Variants in SOX6 observed in about 807,000 individuals in gnomAD.
SOX6 encodes transcription factor SOX-6.
SOX6 carries 11 observed loss-of-function variants against 97.8 expected under a neutral mutation model. The observed-to-expected ratio is 0.11, with a 90% CI of 0.07 to 0.19. The LOEUF is 0.19. Ranked by LOEUF, SOX6 falls within the 10% of genes least tolerant of loss-of-function variation. The pLI, the probability that SOX6 is intolerant of heterozygous loss-of-function variation, is 1.00. For missense variants in SOX6, 810 were observed against 1,039.5 expected (o/e 0.78, Z 3.04); for synonymous variants, 360 against 371.4 (o/e 0.97, Z 0.35).
chr11:16,122,480 G>A (rs1310113357), intron 6 of SOX6, among the ~76,000 whole-genome samples: 3 of 151,840 alleles, frequency 2.0e-5, no homozygotes, highest in Non-Finnish European at 4.4e-5. Context: ...TTTAAATATG[G>A]TAATATTTGT....
intron 4 of SOX6, among the ~76,000 whole-genome samples, chr11:16,553,926 C>T (rs992084578): frequency 2.6e-5 from 4 of 151,982 alleles, no homozygotes; most frequent in African/African-American, 4.8e-5. Flanking sequence ...GACCTTGATT[C>T]TTAAATATAA....
intron 4 of SOX6, among the ~76,000 whole-genome samples, chr11:16,491,661 A>G (rs2133133008): frequency 6.6e-6 from 1 of 152,316 alleles, no homozygotes; most frequent in South Asian, 2.1e-4. Flanking sequence ...ATAAACTATA[A>G]AGCAACAGTA....
chr11:16,232,363 TA>T (rs1418287898), intron 4 of SOX6, among the ~76,000 whole-genome samples: 7 of 151,884 alleles, frequency 4.6e-5, no homozygotes, highest in African/African-American at 1.7e-4. Context: ...TAATGGAGAA[TA>T]AATAAAGATA....
intron 4 of SOX6, among the ~76,000 whole-genome samples, chr11:16,226,321 T>G (rs1295190662): frequency 1.9e-5 from 1 of 51,364 alleles, no homozygotes; most frequent in African/African-American, 7.9e-5. Context: ...ATTGTGTTTT[T>G]TTTGTTTTTG....
intron 2 of SOX6, among the ~76,000 whole-genome samples, chr11:16,332,655 T>G (rs1186770307): frequency 6.6e-6 from 1 of 152,202 alleles, no homozygotes; most frequent in Non-Finnish European, 1.5e-5. Context: ...TTGTAAAATT[T>G]TATTAGCAAA....
intron 3 of SOX6, among the ~76,000 whole-genome samples, chr11:16,711,987 G>A (rs1207249601): frequency 6.6e-6 from 1 of 151,888 alleles, no homozygotes; most frequent in Non-Finnish European, 1.5e-5. Context: ...CCATTCCTGA[G>A]TTACTTCACT....
At chr11:16,337,030 A>C (rs539134663) in intron 2 of SOX6, among the ~76,000 whole-genome samples, 2 of 152,130 alleles carry the variant, frequency 1.3e-5, no homozygotes, top group Non-Finnish European at 2.9e-5. Flanking sequence ...GTCTCACTCT[A>C]TAAGACTTCT....
At chr11:16,495,480 C>G (rs7108946) in intron 4 of SOX6, among the ~76,000 whole-genome samples, 1 of 152,214 alleles carries the variant, frequency 6.6e-6, no homozygotes. Flanking sequence ...TCCACCACCA[C>G]TGGCTCCCAA....
chr11:16,104,236 A>G (rs528634503), intron 7 of SOX6, among the ~76,000 whole-genome samples: 1 of 152,166 alleles, frequency 6.6e-6, no homozygotes, highest in Middle Eastern at 3.4e-3. Context: ...TAAATAATCA[A>G]CTATTACAAT....
chr11:16,354,897 A>AT (rs904423085), intron 1 of SOX6, among the ~76,000 whole-genome samples: 7 of 151,602 alleles, frequency 4.6e-5, no homozygotes, highest in Non-Finnish European at 7.4e-5. Flanking sequence ...GTTTCACACA[A>AT]TTTTTTTTTA....
At chr11:16,261,430 T>C (rs1392271766) in intron 3 of SOX6, among the ~76,000 whole-genome samples, 1 of 152,122 alleles carries the variant, frequency 6.6e-6, no homozygotes, top group East Asian at 1.9e-4. Flanking sequence ...TTCTTTTTAA[T>C]GTAACAAAAG....
chr11:16,493,527 T>A (rs1860542912), intron 4 of SOX6, among the ~76,000 whole-genome samples: 1 of 152,158 alleles, frequency 6.6e-6, no homozygotes, highest in Non-Finnish European at 1.5e-5. Flanking sequence ...AAGAAAGGCT[T>A]CCGGGTAATA....
At chr11:16,430,032 A>C (rs1859244749) in intron 1 of SOX6, among the ~76,000 whole-genome samples, 2 of 152,218 alleles carry the variant, frequency 1.3e-5, no homozygotes, top group Admixed American at 1.3e-4. Flanking sequence ...TGAGAAATAA[A>C]TAAAACACAT....
intron 6 of SOX6, among the ~76,000 whole-genome samples, chr11:16,128,803 T>A (rs1019920177): frequency 1.3e-5 from 2 of 152,182 alleles, no homozygotes; most frequent in African/African-American, 4.8e-5. Flanking sequence ...TGACTAGATA[T>A]GCGAATTCCA....
In SOX6 at chr11:16,264,637, T is replaced by A. The variant is rs10741694; in HGVS notation, c.446-29966A>T. 15 of 151,476 alleles carry A rather than the reference T, an allele frequency of 9.9e-5. No homozygotes were observed. The East Asian group carries it at 2.3e-3, about 24-fold the overall frequency. 9.4% of individuals were successfully genotyped at this position (151,476 alleles called of 1,614,324 possible). On this transcript the variant is annotated intron_variant, in intron 3 of 15. Coordinates refer to ENST00000683767, the MANE Select transcript of SOX6 (RefSeq NM_001367873.1). ...AAAGTGTATATGTTGTTTTGACAGA[T>A]GCTGTGAAATTTGTTTCTGAAAGAC...
At chr11:16,126,360 T>A (rs1284325009) in intron 6 of SOX6, among the ~76,000 whole-genome samples, 1 of 152,144 alleles carries the variant, frequency 6.6e-6, no homozygotes. Context: ...AAGGCTGGGC[T>A]AGCTCCTTTA....
chr11:16,610,912 G>A lies in SOX6; in HGVS notation n.609+1169C>T, dbSNP rs1018991691. The stretch of plus-strand genomic sequence containing the variant: ...GAGCAGAGGGCACCCAGGCACGGTG[G>A]CCAGATCCAGGAACTCATAAGCTCA... On this transcript the variant is annotated intron_variant and non_coding_transcript_variant, in intron 4 of 5. Coordinates refer to the SOX6 transcript ENST00000524520. The surrounding 1 kb of genome is among the most constrained non-coding windows in gnomAD (Gnocchi z 4.4). 6.6e-6 allele frequency among the ~76,000 whole-genome samples: 1 copy of A among 152,216 alleles called. No homozygotes were observed. The highest frequency in any genetic ancestry group is 1.5e-5 in the Non-Finnish European group (1 of 68,036).
chr11:16,330,278 G>A (rs1017824637), intron 2 of SOX6, among the ~76,000 whole-genome samples: 5 of 152,188 alleles, frequency 3.3e-5, no homozygotes, highest in African/African-American at 9.7e-5. Context: ...TATTGGTCAG[G>A]CACAGTGGCT....
At chr11:16,012,655 A>C (rs909539819) in intron 13 of SOX6, among the ~76,000 whole-genome samples, 1 of 151,996 alleles carries the variant, frequency 6.6e-6, no homozygotes, top group Non-Finnish European at 1.5e-5. Flanking sequence ...AGAAAAATGA[A>C]GGGACCACGT....
Sources: gnomAD v4.1 joint callset for allele counts (sites outside exome capture counted in the v4.1 genomes callset) on GRCh38, gnomAD v4.1.1 for gene constraint, Gnocchi (gnomAD v3.1) non-coding constraint, MANE v1.5 for transcripts, NCBI Gene and HGNC (gene_info 2026-07-23, HGNC 2026-07-21) for gene names.